POU3F3: variants seen among roughly 807,000 people sequenced by gnomAD.
The protein encoded by POU3F3 is POU class 3 homeobox 3, also known as POU domain, class 3, transcription factor 3.
Under a neutral mutation model 8.6 loss-of-function variants are expected in POU3F3, and 1 was observed. The ratio of observed to expected loss-of-function variants is 0.12; its 90% CI spans 0.04 to 0.55. The LOEUF (loss-of-function observed/expected upper bound fraction) is 0.55. Ranked by LOEUF, POU3F3 falls within the 20% of genes least tolerant of loss-of-function variation. The probability of loss-of-function intolerance (pLI) is 0.91; values close to 1 mark genes in which losing one functional copy is unlikely to be tolerated. For synonymous variants in POU3F3, 418 were observed against 327.4 expected (o/e 1.28, Z -2.99); for missense variants, 577 against 690.7 (o/e 0.84, Z 1.84).
At chr2:104,866,695 G>A in the POU3F3 span, 2 of 152,294 alleles carry the variant, frequency 1.3e-5, no homozygotes, top group African/African-American at 2.4e-5. Flanking sequence ...AAGGAGGATT[G>A]AAGACCAGTT....
the POU3F3 span, among the ~76,000 whole-genome samples, chr2:104,879,919 T>C: frequency 2.0e-5 from 3 of 152,168 alleles, no homozygotes; most frequent in African/African-American, 7.2e-5. Context: ...ACATTTATAT[T>C]AAAACAATCA....
At position 104,856,090 on chromosome 2, in the gene POU3F3, G is replaced by A; in HGVS notation, c.580G>A (p.Ala194Thr). 1 of 1,037,000 alleles carries A rather than the reference G, an allele frequency of 9.6e-7. No homozygotes were observed. Among genetic ancestry groups the A allele is most frequent in the Non-Finnish European group, 1.1e-6 (1 of 871,282 alleles). The allele number at this position is 1,037,000 out of a possible 1,614,324, so 64.2% of individuals were successfully genotyped here. ...PGGWGAAAAA[A>T]AAAAAAAAAA... The stretch of plus-strand genomic sequence containing the variant: ...GGGCTGGGGGGCGGCCGCCGCTGCC[G>A]CAGCCGCAGCCGCCGCCGCCGCCGC... Residue 194 changes from alanine to threonine, a missense_variant, in exon 1 of 1, where the codon GCA becomes ACA. Coordinates refer to ENST00000361360, the MANE Select transcript of POU3F3 (RefSeq NM_006236.3).
the POU3F3 span, among the ~76,000 whole-genome samples, chr2:104,895,757 A>G: frequency 2.6e-5 from 4 of 152,184 alleles, no homozygotes; most frequent in Admixed American, 1.3e-4. Context: ...GGTCTATTGG[A>G]TAAAAATATT....
At chr2:104,892,032 A>G in the POU3F3 span, among the ~76,000 whole-genome samples, 2 of 152,174 alleles carry the variant, frequency 1.3e-5, no homozygotes, top group Non-Finnish European at 2.9e-5. Flanking sequence ...AGGCAACACA[A>G]GCGCACACCT....
At chr2:104,873,456 C>G in the POU3F3 span, among the ~76,000 whole-genome samples, 2 of 152,096 alleles carry the variant, frequency 1.3e-5, no homozygotes, top group Non-Finnish European at 2.9e-5. Flanking sequence ...CTGGGCCGGC[C>G]CGACCCGACC....
In POU3F3 at chr2:104,857,543, A is replaced by T. The variant is rs1676597316; in HGVS notation, c.*530A>T. The T allele has an allele frequency of 6.5e-6, 1 of 153,620 alleles. No homozygotes were observed. The highest frequency in any genetic ancestry group is 2.4e-5 in the African/African-American group (1 of 41,378). The allele number at this position is 153,620 out of a possible 1,614,324, so 9.5% of individuals were successfully genotyped here. ...TCCTCTTTGAAAAAAAGAGAGAGAG[A>T]GAGTCCCCTTTCCTTTCACTTTCTC... On this transcript the variant is annotated 3_prime_UTR_variant, in exon 1 of 1. Transcript: ENST00000361360.
chr2:104,923,315 C>T, the POU3F3 span, among the ~76,000 whole-genome samples: 1 of 152,160 alleles, frequency 6.6e-6, no homozygotes, highest in Admixed American at 6.5e-5. Flanking sequence ...GACATTAATG[C>T]ATTTTAAAAA....
the POU3F3 span, among the ~76,000 whole-genome samples, chr2:104,898,181 G>A: frequency 6.6e-5 from 10 of 152,316 alleles, no homozygotes; most frequent in East Asian, 9.7e-4. Context: ...CTGAGGACAC[G>A]TGGAGAGGTA....
At chr2:104,907,552 G>A in the POU3F3 span, among the ~76,000 whole-genome samples, 55 of 152,342 alleles carry the variant, frequency 3.6e-4, no homozygotes, top group African/African-American at 1.2e-3. Context: ...GAGCAAATAA[G>A]TGGATGTTAC....
At chr2:104,897,535 C>T in the POU3F3 span, among the ~76,000 whole-genome samples, 6 of 152,196 alleles carry the variant, frequency 3.9e-5, no homozygotes, top group South Asian at 1.2e-3. Context: ...GCACTGCCAG[C>T]CAGCTCACAA....
At chr2:104,878,698 C>T in the POU3F3 span, among the ~76,000 whole-genome samples, 2 of 152,144 alleles carry the variant, frequency 1.3e-5, no homozygotes, top group South Asian at 2.1e-4. Flanking sequence ...CTGCCAGTCA[C>T]CCCATCCTTA....
chr2:104,886,462 G>C, the POU3F3 span, among the ~76,000 whole-genome samples: 1 of 152,144 alleles, frequency 6.6e-6, no homozygotes, highest in African/African-American at 2.4e-5. Context: ...ATGCAGGTTT[G>C]TGTAAGTCCA....
At chr2:104,890,433 C>A in the POU3F3 span, among the ~76,000 whole-genome samples, 14 of 152,188 alleles carry the variant, frequency 9.2e-5, no homozygotes, top group African/African-American at 3.4e-4. Context: ...TTCCTTTATT[C>A]TCTTTCCTCT....
chr2:104,855,677 C>T lies in POU3F3; in HGVS notation c.167C>T (p.Ala56Val), dbSNP rs1238802212. 1 of 1,145,444 alleles carries T rather than the reference C, an allele frequency of 8.7e-7. No homozygotes were observed. The highest frequency in any genetic ancestry group is 1.1e-6 in the Non-Finnish European group (1 of 919,492). 71.0% of individuals were successfully genotyped at this position (1,145,444 alleles called of 1,614,324 possible). A position where few individuals can be genotyped will look rare whatever the true frequency, so the allele number is the denominator to read the frequency against. The change falls in exon 1 of 1, where the codon GCC (alanine) becomes GTC (valine). Residue 56 changes from alanine to valine, a missense_variant. Around this residue, in one of 7 missense-constraint regions of POU3F3, gnomAD observed 484 missense variants for 422.6 expected, o/e 1.15. Coordinates refer to ENST00000361360, the MANE Select transcript of POU3F3 (RefSeq NM_006236.3). Reference sequence around the variant, plus strand: ...GGCGGCGGCATGCAGCCGGGCAGCGCCGCCGTGACCTCGGGCGCCTACCGG... The same window carrying T: ...GGCGGCGGCATGCAGCCGGGCAGCGTCGCCGTGACCTCGGGCGCCTACCGG... ...GGGGGMQPGS[A>V]AVTSGAYRGD...
the POU3F3 span, among the ~76,000 whole-genome samples, chr2:104,906,636 C>T: frequency 5.9e-5 from 9 of 152,198 alleles, no homozygotes; most frequent in African/African-American, 2.2e-4. Context: ...CTGCCCTGTT[C>T]CAGCAAAGTT....
chr2:104,892,781 C>T, the POU3F3 span, among the ~76,000 whole-genome samples: 10 of 151,256 alleles, frequency 6.6e-5, no homozygotes, highest in East Asian at 5.9e-4. Flanking sequence ...CTGCCTGGAT[C>T]GAAACTCCTG....
Position 104,855,918 on chromosome 2 carries a change from ACCGCAG to A in POU3F3, c.413_418del (p.Gln138_Pro139del). On this transcript the variant is annotated inframe_deletion, in exon 1 of 1. Transcript: ENST00000361360. Reference sequence around the variant, plus strand: ...GCATGGCTGGCAGCCCCCAGCAGCCACCGCAGCCGCCGCCGCCACCGCCGCAGGGCC... The same window carrying A: ...GCATGGCTGGCAGCCCCCAGCAGCCACCGCCGCCGCCACCGCCGCAGGGCC... 9.5e-7 allele frequency: 1 copy of A among 1,057,542 alleles called. No homozygotes were observed. Among genetic ancestry groups the A allele is most frequent in the Admixed American group, 5.1e-5 (1 of 19,628 alleles). The allele number at this position is 1,057,542 out of a possible 1,614,324, so 65.5% of individuals were successfully genotyped here.
chr2:104,860,295 A>AT (rs1263849701), downstream of POU3F3, among the ~76,000 whole-genome samples: 5 of 152,024 alleles, frequency 3.3e-5, no homozygotes, highest in African/African-American at 7.2e-5. Context: ...CTTGCACTCC[A>AT]TTTTTTTTAA....
Position 104,856,713 on chromosome 2 carries a change from G to A in POU3F3, c.1203G>A (p.Ala401=). 1 of 1,614,122 alleles carries A rather than the reference G, an allele frequency of 6.2e-7. No homozygotes were observed. Among genetic ancestry groups the A allele is most frequent in the Non-Finnish European group, 8.5e-7 (1 of 1,180,038 alleles). ...TGSPTSIDKI[A]AQGRKRKKRT... is the part of the protein sequence containing the mutation. The stretch of plus-strand genomic sequence containing the variant: ...GCCCCACAAGCATCGACAAGATCGC[G>A]GCGCAGGGCCGCAAGCGCAAGAAGC... The change falls in exon 1 of 1, where the codon GCG becomes GCA. Residue 401 remains alanine (A), a synonymous_variant. Coordinates refer to ENST00000361360, the MANE Select transcript of POU3F3 (RefSeq NM_006236.3).
Sources: gnomAD v4.1 joint callset for allele counts (sites outside exome capture counted in the v4.1 genomes callset) on GRCh38, gnomAD v4.1.1 for gene constraint, gnomAD v4.1.1 regional missense constraint, MANE v1.5 for transcripts, NCBI Gene and HGNC (gene_info 2026-07-23, HGNC 2026-07-21) for gene names.